ADGRL3: variants seen among roughly 807,000 people sequenced by gnomAD.
The protein encoded by ADGRL3 is calcium-independent alpha-latrotoxin receptor 3.
A neutral mutation model predicts 153.5 loss-of-function variants in ADGRL3; 62 were observed. The ratio of observed to expected loss-of-function variants is 0.40; its 90% CI spans 0.33 to 0.50. ADGRL3 has a LOEUF of 0.50. Ranked by LOEUF, ADGRL3 falls within the 20% of genes least tolerant of loss-of-function variation. The pLI, the probability that ADGRL3 is intolerant of heterozygous loss-of-function variation, is 0.47. For missense variants in ADGRL3, 1,641 were observed against 1,859.4 expected, an observed-to-expected ratio of 0.88 and a Z score of 2.16; for synonymous variants, 710 against 672.5, an observed-to-expected ratio of 1.06 and a Z score of -0.86.
intron 1 of ADGRL3, among the ~76,000 whole-genome samples, chr4:61,351,775 A>AAAAGAC (rs1307343067): frequency 2.0e-5 from 3 of 152,144 alleles, no homozygotes; most frequent in Non-Finnish European, 4.4e-5. Context: ...AAGAAAAAGA[A>AAAAGAC]GAAAAAATCC....
chr4:61,517,351 C>G lies in ADGRL3; in HGVS notation c.92C>G (p.Ala31Gly). Residue 31 changes from alanine to glycine, a missense_variant, in exon 4 of 27, where the codon GCT becomes GGT. This residue lies in a region of ADGRL3 where 145 missense variants were observed against 79.1 expected (regional missense o/e 1.83). Coordinates refer to ENST00000683033, the MANE Select transcript of ADGRL3 (RefSeq NM_001387552.1). Reference sequence around the variant, plus strand: ...AGTGAACGACATCCTGCCCTTGCTGCTCCATTGCGACACGCTGAGCGCAGC... The same window carrying G: ...AGTGAACGACATCCTGCCCTTGCTGGTCCATTGCGACACGCTGAGCGCAGC... ...KHSERHPALA[A>G]PLRHAERSPG... 2.8e-6 allele frequency: 2 copies of G among 704,638 alleles called. No individual in the cohort carries two copies. The highest frequency in any genetic ancestry group is 3.0e-5 in the South Asian group (2 of 67,622). The allele number at this position is 704,638 out of a possible 1,614,324, so 43.6% of individuals were successfully genotyped here.
chr4:61,748,165 C>T (rs1413597554), intron 8 of ADGRL3, among the ~76,000 whole-genome samples: 2 of 151,844 alleles, frequency 1.3e-5, no homozygotes, highest in African/African-American at 4.8e-5. Context: ...TGTGAAGGAC[C>T]TCTTCAAGGA....
At chr4:61,884,871 C>T (rs1176162344) in intron 9 of ADGRL3, among the ~76,000 whole-genome samples, 1 of 151,570 alleles carries the variant, frequency 6.6e-6, no homozygotes. Flanking sequence ...GTGATCCGCC[C>T]ACCTCGGCCT....
intron 9 of ADGRL3, among the ~76,000 whole-genome samples, chr4:61,850,449 T>C (rs904084908): frequency 6.6e-6 from 1 of 152,150 alleles, no homozygotes; most frequent in African/African-American, 2.4e-5. Context: ...GGCTCTGATA[T>C]CAGACTTTCA....
chr4:61,537,836 C>A (rs977851377), intron 4 of ADGRL3, among the ~76,000 whole-genome samples: 1 of 152,156 alleles, frequency 6.6e-6, no homozygotes, highest in Non-Finnish European at 1.5e-5. Context: ...TTTCCTCTAT[C>A]CTTATTCTAG....
Position 61,664,500 on chromosome 4 carries a change from T to C in ADGRL3, c.474-12326T>C, listed in dbSNP as rs545631787. Among the ~76,000 whole-genome samples the C allele has an allele frequency of 4.5e-4, 68 of 152,332 alleles. 1 individual carries two copies. The East Asian group carries it at 6.0e-3, about 13-fold the overall frequency. On this transcript the variant is annotated intron_variant, in intron 5 of 26. Coordinates refer to ENST00000683033, the MANE Select transcript of ADGRL3 (RefSeq NM_001387552.1). ...ATGTTCATGCCATTCTCTACCTTTA[T>C]ACATGCATACAGCTACAATACTTTT...
chr4:62,044,060 T>C (rs1337592762), intron 24 of ADGRL3, among the ~76,000 whole-genome samples: 1 of 152,072 alleles, frequency 6.6e-6, no homozygotes, highest in African/African-American at 2.4e-5. Context: ...ATTTAATGCA[T>C]AGTTAAACAT....
chr4:61,702,024 AAG>A (rs1239679424), intron 6 of ADGRL3, among the ~76,000 whole-genome samples: 10 of 152,146 alleles, frequency 6.6e-5, no homozygotes, highest in Non-Finnish European at 2.9e-5. Context: ...ACATAAGTGT[AAG>A]ATCACTAGTT....
At chr4:61,575,234 G>A (rs2098866033) in intron 4 of ADGRL3, among the ~76,000 whole-genome samples, 1 of 151,874 alleles carries the variant, frequency 6.6e-6, no homozygotes, top group African/African-American at 2.4e-5. Context: ...TTAATAATAT[G>A]TTTTCAGCTT....
At chr4:61,392,807 T>A (rs2096828928) in intron 2 of ADGRL3, among the ~76,000 whole-genome samples, 1 of 148,912 alleles carries the variant, frequency 6.7e-6, no homozygotes, top group Non-Finnish European at 1.5e-5. Context: ...ACCTCTCAGA[T>A]TAAATACACC....
At chr4:61,856,956 CTTTCT>C (rs1554048282) in intron 9 of ADGRL3, among the ~76,000 whole-genome samples, 6 of 49,996 alleles carry the variant, frequency 1.2e-4, no homozygotes, top group African/African-American at 4.7e-4. Flanking sequence ...TCTTCTCTTT[CTTTCT>C]TTCTTTCTTT....
chr4:61,676,071 C>T (rs2095180621), intron 5 of ADGRL3, among the ~76,000 whole-genome samples: 1 of 151,822 alleles, frequency 6.6e-6, no homozygotes, highest in African/African-American at 2.4e-5. Flanking sequence ...TGTCTTATTT[C>T]ACTGAACATG....
intron 1 of ADGRL3, among the ~76,000 whole-genome samples, chr4:61,214,041 A>C (rs1162080881): frequency 1.3e-5 from 2 of 152,184 alleles, no homozygotes; most frequent in African/African-American, 2.4e-5. Flanking sequence ...GTTCATAGCT[A>C]CTAATTCTTG....
chr4:61,389,789 A>G (rs953335467), intron 2 of ADGRL3, among the ~76,000 whole-genome samples: 1 of 152,150 alleles, frequency 6.6e-6, no homozygotes, highest in East Asian at 1.9e-4. Flanking sequence ...TGTCAGCTGT[A>G]TATAGTTAGT....
chr4:61,489,226 A>G (rs1016834314), intron 2 of ADGRL3, among the ~76,000 whole-genome samples: 7 of 151,974 alleles, frequency 4.6e-5, no homozygotes, highest in Non-Finnish European at 4.4e-5. Flanking sequence ...CATACAGCTC[A>G]CAACTCAAAG....
chr4:61,958,641 G>A (rs1024602249), intron 17 of ADGRL3, among the ~76,000 whole-genome samples: 1 of 151,962 alleles, frequency 6.6e-6, no homozygotes, highest in African/African-American at 2.4e-5. Context: ...AGAGAGAGCA[G>A]GGAAAACTGC....
intron 4 of ADGRL3, among the ~76,000 whole-genome samples, chr4:61,569,458 G>T (rs2098829796): frequency 6.6e-6 from 1 of 152,114 alleles, no homozygotes; most frequent in African/African-American, 2.4e-5. Context: ...AACCTGCTGG[G>T]TGTGGTGGAG....
rs76910687 is a variant in ADGRL3 at position 62,040,035 on chromosome 4, G to T, written c.3717+2179G>T. Among the ~76,000 whole-genome samples, 4 of 152,070 alleles carry T rather than the reference G, an allele frequency of 2.6e-5. No homozygotes were observed. The East Asian group carries it at 5.8e-4, about 22-fold the overall frequency. On this transcript the variant is annotated intron_variant, in intron 24 of 26. Transcript: ENST00000683033. ...GGAATAATAATAAACTCTGTGGGTG[G>T]GTATACCTTGTTTTGAATCCTGGCC... is the stretch of plus-strand genomic sequence containing the variant.
At chr4:62,023,709 T>G (rs1019604185) in intron 21 of ADGRL3, among the ~76,000 whole-genome samples, 1 of 152,044 alleles carries the variant, frequency 6.6e-6, no homozygotes, top group African/African-American at 2.4e-5. Flanking sequence ...ATATGGTAAC[T>G]TTTTTTTAAC....
Sources: gnomAD v4.1 joint callset for allele counts (sites outside exome capture counted in the v4.1 genomes callset) on GRCh38, gnomAD v4.1.1 for gene constraint, gnomAD v4.1.1 regional missense constraint, MANE v1.5 for transcripts, NCBI Gene and HGNC (gene_info 2026-07-23, HGNC 2026-07-21) for gene names.